The following GRIK4 variants were observed in gnomAD, a reference collection of about 807,000 sequenced individuals.
The protein encoded by GRIK4 is glutamate receptor ionotropic, kainate 4.
Under a neutral mutation model 104.9 loss-of-function variants are expected in GRIK4, and 40 were observed. The ratio of observed to expected loss-of-function variants is 0.38; its 90% CI spans 0.30 to 0.50. The LOEUF (loss-of-function observed/expected upper bound fraction) is 0.50. Among genes scored for constraint, GRIK4 ranks in the 20% least tolerant of loss-of-function variants. The pLI, the probability that GRIK4 is intolerant of heterozygous loss-of-function variation, is 0.93. For missense variants in GRIK4, 1,047 were observed against 1,308.1 expected, an observed-to-expected ratio of 0.80 and a Z score of 3.08; for synonymous variants, 485 against 524.9, an observed-to-expected ratio of 0.92 and a Z score of 1.04.
intron 1 of GRIK4, among the ~76,000 whole-genome samples, chr11:120,630,928 T>A (rs1949325811): frequency 6.6e-6 from 1 of 152,208 alleles, no homozygotes; most frequent in Non-Finnish European, 1.5e-5. Flanking sequence ...CTCTGGGTTC[T>A]TGGAGAAGCA....
intron 6 of GRIK4, among the ~76,000 whole-genome samples, chr11:120,824,546 T>TTTTTC (rs1325119280): frequency 6.7e-6 from 1 of 149,260 alleles, no homozygotes; most frequent in Non-Finnish European, 1.5e-5. Flanking sequence ...TCTTTTTTTT[T>TTTTTC]TCTTTTCTTT....
chr11:120,521,866 C>G lies in GRIK4; in HGVS notation c.-159+9979C>G, dbSNP rs140020916. Among the ~76,000 whole-genome samples the G allele has an allele frequency of 9.0e-3, 1,375 of 152,320 alleles. 7 individuals are homozygous for G. Among genetic ancestry groups the G allele is most frequent in the Non-Finnish European group, 0.014 (979 of 68,030 alleles). On this transcript the variant is annotated intron_variant, in intron 1 of 20. Transcript: ENST00000527524. Reference sequence around the variant, plus strand: ...TTATCTCCCGCGGGTGGTTATCCTGCCTCGGCTGCTGCCGCCTTCTGCTCT... The same window carrying G: ...TTATCTCCCGCGGGTGGTTATCCTGGCTCGGCTGCTGCCGCCTTCTGCTCT...
chr11:120,652,023 C>T (rs918467080), intron 1 of GRIK4, among the ~76,000 whole-genome samples: 4 of 152,188 alleles, frequency 2.6e-5, no homozygotes, highest in Non-Finnish European at 5.9e-5. Context: ...CGCCCAGTTC[C>T]TCCATTTCCC....
At chr11:120,532,592 T>C (rs949975198) in intron 1 of GRIK4, among the ~76,000 whole-genome samples, 1 of 152,178 alleles carries the variant, frequency 6.6e-6, no homozygotes, top group African/African-American at 2.4e-5. Flanking sequence ...GCCTTGTTTT[T>C]CTTGCTCTAG....
At chr11:120,665,725 A>G (rs916632470) in intron 3 of GRIK4, among the ~76,000 whole-genome samples, 1 of 152,128 alleles carries the variant, frequency 6.6e-6, no homozygotes, top group Non-Finnish European at 1.5e-5. Flanking sequence ...ATATTTTACC[A>G]AAAGAAAAAA....
At chr11:120,723,770 G>A (rs1490167408) in intron 3 of GRIK4, among the ~76,000 whole-genome samples, 1 of 150,496 alleles carries the variant, frequency 6.6e-6, no homozygotes, top group East Asian at 2.0e-4. Context: ...CAAACCAGTG[G>A]TTCTTGGTAA....
intron 3 of GRIK4, among the ~76,000 whole-genome samples, chr11:120,669,312 C>T (rs75256341): frequency 6.6e-6 from 1 of 152,180 alleles, no homozygotes; most frequent in African/African-American, 2.4e-5. Context: ...ACCCTCTTAG[C>T]CTGGTGGACT....
intron 11 of GRIK4, among the ~76,000 whole-genome samples, chr11:120,888,383 A>G (rs1955180144): frequency 6.6e-6 from 1 of 152,160 alleles, no homozygotes. Context: ...AACAAGGATG[A>G]TGGCAGTATT....
intron 3 of GRIK4, among the ~76,000 whole-genome samples, chr11:120,761,919 C>T (rs1427912690): frequency 6.6e-6 from 1 of 152,096 alleles, no homozygotes; most frequent in Non-Finnish European, 1.5e-5. Flanking sequence ...ATAGGATTGC[C>T]TTGGCTATAC....
chr11:120,718,646 T>C (rs941923905), intron 3 of GRIK4, among the ~76,000 whole-genome samples: 3 of 152,244 alleles, frequency 2.0e-5, no homozygotes, highest in Non-Finnish European at 4.4e-5. Context: ...GTCTGTACGC[T>C]GAAGCTGAGC....
intron 1 of GRIK4, among the ~76,000 whole-genome samples, chr11:120,626,983 C>T (rs1235237139): frequency 1.3e-5 from 2 of 152,218 alleles, no homozygotes; most frequent in African/African-American, 4.8e-5. Context: ...ACTGACTCCA[C>T]GGAGGCCCGA....
intron 1 of GRIK4, among the ~76,000 whole-genome samples, chr11:120,552,516 T>C (rs1329473063): frequency 6.6e-6 from 1 of 152,118 alleles, no homozygotes; most frequent in African/African-American, 2.4e-5. Flanking sequence ...AAGTGACAAC[T>C]TTACTGCGTC....
intron 1 of GRIK4, among the ~76,000 whole-genome samples, chr11:120,578,802 A>G (rs1167546824): frequency 6.6e-6 from 1 of 152,094 alleles, no homozygotes; most frequent in Non-Finnish European, 1.5e-5. Context: ...ACACCCTGCT[A>G]TGTCGTCCCG....
chr11:120,928,492 C>A (rs1943403578), intron 13 of GRIK4, among the ~76,000 whole-genome samples: 1 of 152,074 alleles, frequency 6.6e-6, no homozygotes, highest in Non-Finnish European at 1.5e-5. Context: ...CATGCATCTG[C>A]CTGACCCCAA....
rs928827563 is a variant in GRIK4 at position 120,776,396 on chromosome 11, A to T, written c.83-26297A>T. On this transcript the variant is annotated intron_variant, in intron 3 of 20. Coordinates refer to ENST00000527524, the MANE Select transcript of GRIK4 (RefSeq NM_014619.5). ...CTGGGCATTGGAGAGGAGGAGTTGG[A>T]GTTCCCCCTCTTTTTTGCCTGACCT... 9.7e-4 allele frequency among the ~76,000 whole-genome samples: 148 copies of T among 152,128 alleles called. 1 individual carries two copies. The highest frequency in any genetic ancestry group is 6.5e-4 in the Admixed American group (10 of 15,274).
intron 1 of GRIK4, among the ~76,000 whole-genome samples, chr11:120,596,038 T>C (rs35172286): frequency 6.6e-6 from 1 of 152,060 alleles, no homozygotes; most frequent in Admixed American, 6.6e-5. Flanking sequence ...GTAGAGACGG[T>C]GTTTCATCAT....
chr11:120,558,017 CAAAAAAAA>C (rs59960959), intron 1 of GRIK4, among the ~76,000 whole-genome samples: 5 of 39,596 alleles, frequency 1.3e-4, no homozygotes, highest in African/African-American at 2.9e-4. Flanking sequence ...GACTCCGTCT[CAAAAAAAA>C]AAAAAAAAAA....
chr11:120,708,863 G>A (rs767420256), intron 3 of GRIK4, among the ~76,000 whole-genome samples: 2 of 152,092 alleles, frequency 1.3e-5, no homozygotes, highest in Admixed American at 6.5e-5. Context: ...ACCCCCTCCC[G>A]TGCTGTTGGA....
intron 6 of GRIK4, 115 bp downstream of exon 6, chr11:120,820,035 A>G: frequency 4.2e-6 from 4 of 942,122 alleles, no homozygotes; most frequent in Non-Finnish European, 6.6e-6. Flanking sequence ...CTTCAGATCC[A>G]CAGGGCTGAT....
Sources: allele counts gnomAD v4.1 joint callset (sites outside exome capture counted in the v4.1 genomes callset), GRCh38; gene constraint gnomAD v4.1.1; transcripts MANE v1.5; gene names NCBI Gene and HGNC (gene_info 2026-07-23, HGNC 2026-07-21).